The following TACC2 variants were observed in gnomAD, a reference collection of about 807,000 sequenced individuals.
The protein encoded by TACC2 is transforming acidic coiled-coil-containing protein 2.
Under a neutral mutation model 227.3 loss-of-function variants are expected in TACC2, and 137 were observed. The ratio of observed to expected loss-of-function variants is 0.60; its 90% CI spans 0.52 to 0.69. TACC2 has a LOEUF of 0.69. TACC2 is among the 30% of genes least tolerant of loss of function. The pLI is 0.00. For synonymous variants in TACC2, 1,523 were observed against 1,487.5 expected, an observed-to-expected ratio of 1.02 and a Z score of -0.55; for missense variants, 3,470 against 3,694.4, an observed-to-expected ratio of 0.94 and a Z score of 1.57.
intron 11 of TACC2, 42 bp downstream of exon 11, chr10:122,216,870 G>T: frequency 6.2e-7 from 1 of 1,614,084 alleles, no homozygotes. Context: ...CTCTGCCTCG[G>T]AGAATCCTGC....
chr10:122,247,097 T>C (rs1274369455), intron 19 of TACC2: 3 of 152,636 alleles, frequency 2.0e-5, no homozygotes, highest in Non-Finnish European at 4.4e-5. Context: ...TTATTTCCAT[T>C]TCAGAGGGAG....
At chr10:122,107,882 T>A (rs867048898) in intron 5 of TACC2, among the ~76,000 whole-genome samples, 2,192 of 90,718 alleles carry the variant, frequency 0.024, 28 homozygotes, top group Non-Finnish European at 0.036. Flanking sequence ...ATATATATAT[T>A]TTTTTTTTCT....
At chr10:122,242,905 A>T (rs958254394) in intron 19 of TACC2, among the ~76,000 whole-genome samples, 2 of 152,030 alleles carry the variant, frequency 1.3e-5, no homozygotes, top group Admixed American at 6.5e-5. Context: ...ATGTCCTGGG[A>T]TTACAAGGCG....
At position 122,198,880 on chromosome 10, in the gene TACC2, T is replaced by C. The variant is rs552165669; in HGVS notation, c.5971+3704T>C. Among the ~76,000 whole-genome samples the C allele has an allele frequency of 2.6e-5, 4 of 152,332 alleles. No individual in the cohort carries two copies. In the East Asian group the frequency reaches 7.7e-4, roughly 29 times the overall value. ...CTGGGGCAGTCCTGCCAGCCTGTCCTGAGAGCTGCAGCCTAGGCCACGCCC... is the reference window on the plus strand; with the variant it reads ...CTGGGGCAGTCCTGCCAGCCTGTCCCGAGAGCTGCAGCCTAGGCCACGCCC... On this transcript the variant is annotated intron_variant, in intron 8 of 22. Transcript: ENST00000369005.
chr10:122,228,925 T>A (rs1356517744), intron 14 of TACC2, among the ~76,000 whole-genome samples: 1 of 152,176 alleles, frequency 6.6e-6, no homozygotes, highest in Non-Finnish European at 1.5e-5. Flanking sequence ...TCATTTGAAA[T>A]CATCTTTCCG....
At chr10:122,237,282 GTTCT>G in intron 16 of TACC2, 109 bp from the exon 17 acceptor site, 1 of 1,051,088 alleles carries the variant, frequency 9.5e-7, no homozygotes, top group Admixed American at 2.9e-5. Flanking sequence ...TACTTTTGAT[GTTCT>G]TTGTTTCAAA....
At chr10:122,109,869 G>C (rs1357360251) in intron 5 of TACC2, among the ~76,000 whole-genome samples, 1 of 152,194 alleles carries the variant, frequency 6.6e-6, no homozygotes, top group African/African-American at 2.4e-5. Flanking sequence ...TTGACCCTGG[G>C]TAAGTCCATC....
intron 3 of TACC2, among the ~76,000 whole-genome samples, chr10:122,054,023 C>T (rs1455533095): frequency 6.6e-6 from 1 of 152,208 alleles, no homozygotes; most frequent in Non-Finnish European, 1.5e-5. Context: ...GCATCATCTC[C>T]ACTCTACAGA....
chr10:122,091,678 T>C (rs1256562012), intron 5 of TACC2, among the ~76,000 whole-genome samples: 2 of 152,066 alleles, frequency 1.3e-5, no homozygotes, highest in Admixed American at 6.6e-5. Context: ...TGTGAACCCA[T>C]CCACCATGAG....
At chr10:122,031,397 CTTTTTT>C (rs758476678) in intron 2 of TACC2, among the ~76,000 whole-genome samples, 37 of 91,742 alleles carry the variant, frequency 4.0e-4, no homozygotes, top group South Asian at 3.9e-3. Context: ...GGTCTAGCCT[CTTTTTT>C]TTTTTTTTTT....
chr10:122,240,180 C>T lies in TACC2; in HGVS notation c.8349-1778C>T, dbSNP rs778925278. ...CACAGCTAAGGTATTTTCAGGTCCC[C>T]GGTCTCTCCACGCTTCCAAAAGGAC... On this transcript the variant is annotated intron_variant, in intron 18 of 22. Coordinates refer to ENST00000369005, the MANE Select transcript of TACC2 (RefSeq NM_206862.4). Among the ~76,000 whole-genome samples, 3 of 152,184 alleles carry T rather than the reference C, an allele frequency of 2.0e-5. No homozygotes were observed. The East Asian group carries it at 5.8e-4, about 29-fold the overall frequency.
intron 8 of TACC2, among the ~76,000 whole-genome samples, chr10:122,196,929 G>C (rs1262489414): frequency 1.3e-5 from 1 of 75,108 alleles, no homozygotes; most frequent in South Asian, 6.4e-4. Flanking sequence ...GAGCGAGTCC[G>C]TCTCAAAAAA....
intron 2 of TACC2, among the ~76,000 whole-genome samples, chr10:122,048,415 C>T (rs7905230): frequency 0.36 from 47,030 of 130,780 alleles, 9,154 homozygotes; most frequent in African/African-American, 0.48. Context: ...CTCCCTCCCT[C>T]CCTTCCTTCC....
intron 22 of TACC2, among the ~76,000 whole-genome samples, chr10:122,252,060 T>C (rs1289203368): frequency 1.3e-5 from 2 of 152,258 alleles, no homozygotes; most frequent in Non-Finnish European, 2.9e-5. Flanking sequence ...CTGAGCTTTA[T>C]GATGAGGCAG....
chr10:122,107,037 A>G (rs530717812), intron 5 of TACC2, among the ~76,000 whole-genome samples: 1 of 152,366 alleles, frequency 6.6e-6, no homozygotes, highest in South Asian at 2.1e-4. Flanking sequence ...CCAAAGAGTG[A>G]GAAAACTATC....
intron 7 of TACC2, among the ~76,000 whole-genome samples, chr10:122,183,867 G>A (rs937051101): frequency 3.3e-5 from 5 of 152,298 alleles, no homozygotes; most frequent in South Asian, 2.1e-4. Flanking sequence ...ATGCTGAACC[G>A]CTTGGCTCCA....
intron 5 of TACC2, among the ~76,000 whole-genome samples, chr10:122,104,690 TG>T (rs2082550957): frequency 6.6e-6 from 1 of 152,176 alleles, no homozygotes; most frequent in African/African-American, 2.4e-5. Context: ...TATTTCGTTG[TG>T]TTACTAGTCA....
intron 5 of TACC2, among the ~76,000 whole-genome samples, chr10:122,108,430 A>ATGTCATATT (rs1034871712): frequency 1.6e-5 from 2 of 128,374 alleles, no homozygotes; most frequent in African/African-American, 5.8e-5. Flanking sequence ...ATATATGTGT[A>ATGTCATATT]TGTCATATTT....
intron 3 of TACC2, among the ~76,000 whole-genome samples, chr10:122,066,308 G>T (rs181815816): frequency 3.4e-5 from 5 of 145,726 alleles, no homozygotes; most frequent in Non-Finnish European, 6.0e-5. Context: ...AGTCTCTGTC[G>T]CACAGGCTGG....
Sources: allele counts gnomAD v4.1 joint callset (sites outside exome capture counted in the v4.1 genomes callset), GRCh38; gene constraint gnomAD v4.1.1; transcripts MANE v1.5; gene names NCBI Gene and HGNC (gene_info 2026-07-23, HGNC 2026-07-21).